Variants in TM2D1 observed in about 807,000 individuals in gnomAD.
The protein encoded by TM2D1 is TM2 domain containing 1.
In TM2D1, 15 loss-of-function variants were observed where a neutral mutation model predicts 28.4. The observed-to-expected ratio is 0.53, with a 90% CI of 0.35 to 0.81. TM2D1 has a LOEUF of 0.81. Among genes scored for constraint, TM2D1 ranks in the 40% least tolerant of loss-of-function variants. TM2D1 has a pLI of 0.01. For synonymous variants in TM2D1, 93 were observed against 96.2 expected, an observed-to-expected ratio of 0.97 and a Z score of 0.20; for missense variants, 236 against 254.9, an observed-to-expected ratio of 0.93 and a Z score of 0.50.
In TM2D1 at chr1:61,701,013, G is replaced by A; in HGVS notation, c.360C>T (p.Ser120=). The A allele has an allele frequency of 1.2e-6, 2 of 1,607,938 alleles. No individual in the cohort carries two copies. The highest frequency in any genetic ancestry group is 1.7e-6 in the Non-Finnish European group (2 of 1,177,462). ...GAGACAATGCGACTGCCACTTTGTA[G>A]GAATAGCCATTTCTGCAAAAAATTA... is the stretch of plus-strand genomic sequence containing the variant. ...PISCRNVNGY[S]YKVAVALSLF... is the part of the protein sequence containing the mutation. The change falls in exon 4 of 7, where the codon TCC becomes TCT. Residue 120 remains serine, a synonymous_variant. Transcript: ENST00000606498.
intron 2 of TM2D1, among the ~76,000 whole-genome samples, chr1:61,720,150 G>A (rs751526862): frequency 1.3e-5 from 2 of 152,120 alleles, no homozygotes; most frequent in Non-Finnish European, 2.9e-5. Context: ...AAATTTTCTG[G>A]AAGTGAAATC....
At chr1:61,713,076 A>AG (rs2148060811) in intron 2 of TM2D1, among the ~76,000 whole-genome samples, 1 of 152,082 alleles carries the variant, frequency 6.6e-6, no homozygotes, top group Non-Finnish European at 1.5e-5. Context: ...AGGCTGAGGC[A>AG]GGAGGATCGC....
At chr1:61,689,417 G>A (rs985921129) in intron 5 of TM2D1, among the ~76,000 whole-genome samples, 1 of 152,140 alleles carries the variant, frequency 6.6e-6, no homozygotes, top group Non-Finnish European at 1.5e-5. Flanking sequence ...ATGCTAGAGT[G>A]TAGTACTACA....
intron 2 of TM2D1, among the ~76,000 whole-genome samples, chr1:61,718,500 GAATC>G (rs1644538317): frequency 1.3e-5 from 2 of 152,258 alleles, no homozygotes; most frequent in Non-Finnish European, 2.9e-5. Context: ...GTTCAGGCCA[GAATC>G]ATTAATGGGA....
intron 4 of TM2D1, among the ~76,000 whole-genome samples, chr1:61,697,145 TA>T (rs1453030629): frequency 3.3e-5 from 5 of 152,182 alleles, no homozygotes; most frequent in African/African-American, 4.8e-5. Context: ...ACTTCATTAC[TA>T]AAATCATCCT....
intron 3 of TM2D1, among the ~76,000 whole-genome samples, chr1:61,704,769 A>G (rs1424786625): frequency 6.6e-6 from 1 of 152,112 alleles, no homozygotes; most frequent in Non-Finnish European, 1.5e-5. Context: ...GTATTTTAAG[A>G]AAGGAAACAG....
chr1:61,716,960 TAATC>T (rs1452356718), intron 2 of TM2D1, among the ~76,000 whole-genome samples: 1 of 152,160 alleles, frequency 6.6e-6, no homozygotes, highest in Non-Finnish European at 1.5e-5. Context: ...TCATTACCCT[TAATC>T]AATACTCTTT....
chr1:61,691,332 C>T (rs1315765174), intron 5 of TM2D1, among the ~76,000 whole-genome samples: 1 of 151,608 alleles, frequency 6.6e-6, no homozygotes, highest in Non-Finnish European at 1.5e-5. Context: ...CCTATCTCTA[C>T]TAAAAATACA....
At chr1:61,701,282 T>TG (rs1273420907) in intron 3 of TM2D1, among the ~76,000 whole-genome samples, 1 of 96,998 alleles carries the variant, frequency 1.0e-5, no homozygotes, top group Non-Finnish European at 2.1e-5. Context: ...ATAAATCATA[T>TG]ACTATGTTAG....
At chr1:61,716,380 ATT>A (rs1039288370) in intron 2 of TM2D1, among the ~76,000 whole-genome samples, 22 of 146,070 alleles carry the variant, frequency 1.5e-4, no homozygotes, top group Admixed American at 1.1e-3. Context: ...TAATTATATA[ATT>A]TTATATATAA....
At chr1:61,704,421 TTTTTGTTTTG>T (rs561495866) in intron 3 of TM2D1, among the ~76,000 whole-genome samples, 3 of 151,794 alleles carry the variant, frequency 2.0e-5, no homozygotes, top group Admixed American at 1.3e-4. Flanking sequence ...TTTTTTTGGT[TTTTTGTTTTG>T]TTTTGTTTTG....
At chr1:61,720,082 C>T (rs1644551491) in intron 2 of TM2D1, among the ~76,000 whole-genome samples, 1 of 152,082 alleles carries the variant, frequency 6.6e-6, no homozygotes, top group Admixed American at 6.6e-5. Context: ...TGTAAACATA[C>T]TATACTTTAA....
intron 5 of TM2D1, among the ~76,000 whole-genome samples, chr1:61,693,105 C>T (rs940858627): frequency 6.6e-5 from 10 of 151,966 alleles, no homozygotes; most frequent in African/African-American, 2.2e-4. Context: ...GGTATGGTGG[C>T]GCACACCTGT....
chr1:61,721,008 C>T (rs1417032856), intron 2 of TM2D1, among the ~76,000 whole-genome samples: 1 of 151,764 alleles, frequency 6.6e-6, no homozygotes. Flanking sequence ...TCGCTTGAGC[C>T]CAGGAGTTCC....
intron 5 of TM2D1, among the ~76,000 whole-genome samples, chr1:61,686,127 T>A (rs1222059863): frequency 2.0e-5 from 3 of 152,202 alleles, no homozygotes; most frequent in African/African-American, 7.2e-5. Context: ...CCTTACTGGA[T>A]CTCAATTTTT....
intron 2 of TM2D1, among the ~76,000 whole-genome samples, chr1:61,721,284 A>G (rs1343618402): frequency 6.6e-6 from 1 of 151,844 alleles, no homozygotes; most frequent in Non-Finnish European, 1.5e-5. Context: ...GCTCACACCT[A>G]TAATCCCAGC....
intron 4 of TM2D1, chr1:61,699,016 TAATAG>T (rs1644383551): frequency 6.6e-6 from 1 of 152,198 alleles, no homozygotes; most frequent in Non-Finnish European, 1.5e-5. Context: ...CTTGAATTCT[TAATAG>T]AAATTACAAT....
intron 2 of TM2D1, among the ~76,000 whole-genome samples, chr1:61,721,418 T>G (rs1182503002): frequency 2.0e-5 from 3 of 151,690 alleles, no homozygotes; most frequent in African/African-American, 4.8e-5. Context: ...GGTGCACGCC[T>G]ATAATCCCAG....
intron 3 of TM2D1, among the ~76,000 whole-genome samples, chr1:61,708,253 T>C (rs1031533887): frequency 6.6e-6 from 1 of 152,144 alleles, no homozygotes; most frequent in Non-Finnish European, 1.5e-5. Flanking sequence ...CTCCCTACTT[T>C]GCCCAGGTTG....
Sources: gnomAD v4.1 joint callset for allele counts (sites outside exome capture counted in the v4.1 genomes callset) on GRCh38, gnomAD v4.1.1 for gene constraint, MANE v1.5 for transcripts, NCBI Gene and HGNC (gene_info 2026-07-23, HGNC 2026-07-21) for gene names.